The following CLMP variants were observed in gnomAD, a reference collection of about 807,000 sequenced individuals.
CLMP encodes the protein CXADR-like membrane protein.
In CLMP, 27 loss-of-function variants were observed where a neutral mutation model predicts 45.2. That is an observed-to-expected ratio of 0.60 (90% CI 0.44 to 0.82). The LOEUF (loss-of-function observed/expected upper bound fraction) is 0.82, where lower values mean the gene tolerates loss of function less well. Ranked by LOEUF, CLMP falls within the 40% of genes least tolerant of loss-of-function variation. CLMP has a pLI of 0.00. For missense variants in CLMP, 403 were observed against 448.4 expected, an observed-to-expected ratio of 0.90 and a Z score of 0.91; for synonymous variants, 167 against 171.4, an observed-to-expected ratio of 0.97 and a Z score of 0.20.
At chr11:123,105,632 G>A (rs552958192) in intron 1 of CLMP, among the ~76,000 whole-genome samples, 118 of 151,338 alleles carry the variant, frequency 7.8e-4, no homozygotes, top group African/African-American at 2.7e-3. Context: ...GTTTTGCCAC[G>A]TTTGTCAGGT....
At chr11:123,154,349 C>T (rs776934127) in intron 1 of CLMP, among the ~76,000 whole-genome samples, 3 of 152,120 alleles carry the variant, frequency 2.0e-5, no homozygotes, top group South Asian at 2.1e-4. Flanking sequence ...AGCTGTAGAA[C>T]CTATAGGCAC....
In CLMP at chr11:123,195,145, G is replaced by T; in HGVS notation, c.-205C>A. ...CTCCCGGCGCTCGCCCCACCAGCTG[G>T]CGCCCGGACGGGAGCCGGGACCAGG... On this transcript the variant is annotated 5_prime_UTR_variant, in exon 1 of 7. Coordinates refer to ENST00000448775, the MANE Select transcript of CLMP (RefSeq NM_024769.5). The T allele has an allele frequency of 3.3e-6, 1 of 305,620 alleles. No individual in the cohort carries two copies. Among genetic ancestry groups the T allele is most frequent in the Middle Eastern group, 9.2e-4 (1 of 1,084 alleles). The allele number at this position is 305,620 out of a possible 1,614,324, so 18.9% of individuals were successfully genotyped here. A position where few individuals can be genotyped will look rare whatever the true frequency, so the allele number is the denominator to read the frequency against.
chr11:123,077,957 A>C (rs1469395905), intron 5 of CLMP, among the ~76,000 whole-genome samples: 3 of 152,052 alleles, frequency 2.0e-5, no homozygotes, highest in Non-Finnish European at 4.4e-5. Context: ...AAATGCAAAA[A>C]TCAGCTGGGT....
At chr11:123,083,657 A>G in intron 4 of CLMP, 23 bp downstream of exon 4, 1 of 1,612,036 alleles carries the variant, frequency 6.2e-7, no homozygotes, top group East Asian at 2.2e-5. Context: ...TTGGCTCAAT[A>G]GATTGGTAGG....
At chr11:123,158,043 C>T (rs1861438776) in intron 1 of CLMP, among the ~76,000 whole-genome samples, 1 of 152,202 alleles carries the variant, frequency 6.6e-6, no homozygotes, top group Non-Finnish European at 1.5e-5. Flanking sequence ...GGCTTTCACA[C>T]ACATTACTCA....
intron 1 of CLMP, among the ~76,000 whole-genome samples, chr11:123,164,800 A>C (rs182251019): frequency 3.9e-5 from 6 of 152,314 alleles, no homozygotes; most frequent in African/African-American, 1.4e-4. Context: ...GTAAGTGCTC[A>C]AAACATTTAG....
intron 2 of CLMP, among the ~76,000 whole-genome samples, chr11:123,093,314 C>A (rs1865954755): frequency 6.6e-6 from 1 of 152,088 alleles, no homozygotes; most frequent in Non-Finnish European, 1.5e-5. Flanking sequence ...CATCTGACAT[C>A]TTTGGAAAGG....
chr11:123,173,436 A>G (rs947771421), intron 1 of CLMP, among the ~76,000 whole-genome samples: 11 of 152,250 alleles, frequency 7.2e-5, no homozygotes, highest in Non-Finnish European at 1.6e-4. Flanking sequence ...GTGGGCCGAC[A>G]TTCCTTTTTA....
At chr11:123,182,479 G>C (rs976562672) in intron 1 of CLMP, among the ~76,000 whole-genome samples, 2 of 152,196 alleles carry the variant, frequency 1.3e-5, no homozygotes, top group Non-Finnish European at 2.9e-5. Context: ...CCTAGATTCA[G>C]AGCCAGGCAT....
chr11:123,130,989 T>G (rs12287160), intron 1 of CLMP, among the ~76,000 whole-genome samples: 19,287 of 151,718 alleles, frequency 0.13, 1,452 homozygotes, highest in East Asian at 0.25. Context: ...ATTACAGGTG[T>G]GCACCACCAT....
chr11:123,191,682 C>T (rs934645591), intron 1 of CLMP, among the ~76,000 whole-genome samples: 1 of 152,252 alleles, frequency 6.6e-6, no homozygotes, highest in Non-Finnish European at 1.5e-5. Context: ...CTGGGCTCCT[C>T]ACTATTGGGT....
intron 1 of CLMP, among the ~76,000 whole-genome samples, chr11:123,169,353 C>CA (rs1400115775): frequency 5.3e-5 from 8 of 152,230 alleles, no homozygotes; most frequent in Non-Finnish European, 1.2e-4. Flanking sequence ...GCTTCAGGTT[C>CA]AAATTGCAGA....
At chr11:123,150,844 G>A (rs1861327829) in intron 1 of CLMP, among the ~76,000 whole-genome samples, 1 of 152,184 alleles carries the variant, frequency 6.6e-6, no homozygotes, top group Non-Finnish European at 1.5e-5. Context: ...AGCCTCTCGA[G>A]TAGCTGGGAT....
chr11:123,142,563 T>C (rs6589969), intron 1 of CLMP, among the ~76,000 whole-genome samples: 73,681 of 150,912 alleles, frequency 0.49, 18,848 homozygotes, highest in African/African-American at 0.65. Context: ...ACTTAGGAGT[T>C]ACAGTGCAAA....
intron 1 of CLMP, among the ~76,000 whole-genome samples, chr11:123,125,717 C>A (rs1485215718): frequency 6.6e-6 from 1 of 151,680 alleles, no homozygotes; most frequent in Admixed American, 6.6e-5. Context: ...GATTCTCCTG[C>A]CTCAGCCTCC....
chr11:123,085,137 G>A (rs1486658750), intron 2 of CLMP, among the ~76,000 whole-genome samples: 1 of 150,936 alleles, frequency 6.6e-6, no homozygotes, highest in Non-Finnish European at 1.5e-5. Flanking sequence ...GGAAGCCAAA[G>A]GGAAGGTCGA....
chr11:123,140,170 T>C (rs978544915), intron 1 of CLMP, among the ~76,000 whole-genome samples: 2 of 152,180 alleles, frequency 1.3e-5, no homozygotes, highest in African/African-American at 4.8e-5. Context: ...TCTGGCTTAA[T>C]GTGGGATGCG....
At chr11:123,156,984 A>G (rs1430019624) in intron 1 of CLMP, among the ~76,000 whole-genome samples, 2 of 152,200 alleles carry the variant, frequency 1.3e-5, no homozygotes, top group African/African-American at 2.4e-5. Flanking sequence ...TTAGGAACAG[A>G]AACACTGAGG....
intron 1 of CLMP, among the ~76,000 whole-genome samples, chr11:123,140,212 C>T (rs982392362): frequency 6.6e-5 from 10 of 152,290 alleles, no homozygotes; most frequent in Non-Finnish European, 1.3e-4. Context: ...GCGTAGTTAT[C>T]TGGGTCGCTC....
Sources: gnomAD v4.1 joint callset for allele counts (sites outside exome capture counted in the v4.1 genomes callset) on GRCh38, gnomAD v4.1.1 for gene constraint, MANE v1.5 for transcripts, NCBI Gene and HGNC (gene_info 2026-07-23, HGNC 2026-07-21) for gene names.